TMEM132D: variants seen among roughly 807,000 people sequenced by gnomAD.
TMEM132D encodes transmembrane protein 132D.
TMEM132D carries 21 observed loss-of-function variants against 62.3 expected under a neutral mutation model. The observed-to-expected ratio is 0.34, with a 90% CI of 0.24 to 0.49. The LOEUF (loss-of-function observed/expected upper bound fraction) is 0.49, where lower values mean the gene tolerates loss of function less well. TMEM132D is among the 20% of genes least tolerant of loss of function. The pLI is 0.99. For synonymous variants in TMEM132D, 621 were observed against 575.6 expected (o/e 1.08, Z -1.13); for missense variants, 1,346 against 1,402.8 (o/e 0.96, Z 0.65).
intron 1 of TMEM132D, among the ~76,000 whole-genome samples, chr12:129,741,439 G>T (rs1051499937): frequency 1.3e-5 from 2 of 152,170 alleles, no homozygotes; most frequent in African/African-American, 2.4e-5. Context: ...AAAGAAAAAT[G>T]CATTCCTTAA....
chr12:129,577,812 T>C (rs567642418), intron 2 of TMEM132D, among the ~76,000 whole-genome samples: 18 of 152,318 alleles, frequency 1.2e-4, no homozygotes, highest in Admixed American at 5.9e-4. Flanking sequence ...TGTGTGTGTG[T>C]GTCTGTAGAG....
At chr12:129,523,883 G>A (rs1347777804) in intron 3 of TMEM132D, among the ~76,000 whole-genome samples, 2 of 152,096 alleles carry the variant, frequency 1.3e-5, no homozygotes, top group Non-Finnish European at 2.9e-5. Flanking sequence ...TGTTTCTCAA[G>A]GAGGCAATGT....
chr12:129,450,750 CTTTTTTTTTTT>C (rs869041495), intron 3 of TMEM132D, among the ~76,000 whole-genome samples: 101 of 102,578 alleles, frequency 9.8e-4, no homozygotes, highest in African/African-American at 2.9e-3. Context: ...TCCATCGCTT[CTTTTTTTTTTT>C]TTTTTTTTTT....
At chr12:129,840,680 C>T (rs1371798616) in intron 1 of TMEM132D, among the ~76,000 whole-genome samples, 1 of 152,216 alleles carries the variant, frequency 6.6e-6, no homozygotes, top group Non-Finnish European at 1.5e-5. Context: ...AGTGCGGCCG[C>T]CCGCTTCCCA....
At chr12:129,079,915 C>T (rs1874398267) in intron 7 of TMEM132D, among the ~76,000 whole-genome samples, 1 of 152,180 alleles carries the variant, frequency 6.6e-6, no homozygotes, top group African/African-American at 2.4e-5. Flanking sequence ...GGAAGCTGGC[C>T]CACTTCCTCT....
intron 1 of TMEM132D, among the ~76,000 whole-genome samples, chr12:129,740,853 T>C (rs912493747): frequency 6.6e-6 from 1 of 152,224 alleles, no homozygotes; most frequent in African/African-American, 2.4e-5. Context: ...CAAGAATGTA[T>C]TTATACTTTC....
At chr12:129,504,344 T>G (rs11060380) in intron 3 of TMEM132D, among the ~76,000 whole-genome samples, 87,879 of 152,080 alleles carry the variant, frequency 0.58, 26,727 homozygotes, top group African/African-American at 0.79. Context: ...TTGAATGTCT[T>G]GTAGAATTCA....
intron 4 of TMEM132D, among the ~76,000 whole-genome samples, chr12:129,269,867 G>A (rs553109162): frequency 1.0e-3 from 157 of 152,214 alleles, no homozygotes; most frequent in African/African-American, 3.7e-3. Context: ...GTAAAAACGT[G>A]GGAACAGGGC....
chr12:129,407,693 T>A (rs895486887), intron 3 of TMEM132D, among the ~76,000 whole-genome samples: 4 of 151,618 alleles, frequency 2.6e-5, no homozygotes, highest in Non-Finnish European at 5.9e-5. Context: ...GATCATGAGG[T>A]CAGGAGATCG....
intron 3 of TMEM132D, among the ~76,000 whole-genome samples, chr12:129,457,824 G>A (rs560618279): frequency 1.6e-4 from 25 of 152,228 alleles, no homozygotes; most frequent in East Asian, 1.2e-3. Flanking sequence ...ACAGCAAGGC[G>A]GATGTCTGAT....
intron 2 of TMEM132D, among the ~76,000 whole-genome samples, chr12:129,578,436 AT>A (rs1388191415): frequency 1.3e-5 from 1 of 77,586 alleles, no homozygotes; most frequent in East Asian, 7.9e-4. Flanking sequence ...ATATATATAT[AT>A]GTATGTATAT....
chr12:129,079,900 G>A (rs908919452), intron 7 of TMEM132D, among the ~76,000 whole-genome samples: 1 of 152,206 alleles, frequency 6.6e-6, no homozygotes, highest in Non-Finnish European at 1.5e-5. Context: ...CATGTTTAAT[G>A]TGTGGGAAGC....
intron 2 of TMEM132D, among the ~76,000 whole-genome samples, chr12:129,578,521 A>C (rs1877749289): frequency 6.6e-6 from 1 of 151,842 alleles, no homozygotes; most frequent in Non-Finnish European, 1.5e-5. Context: ...ATGCGCACAC[A>C]CACACATACA....
intron 1 of TMEM132D, among the ~76,000 whole-genome samples, chr12:129,896,152 TTTG>T (rs1412760615): frequency 4.6e-5 from 7 of 151,418 alleles, no homozygotes; most frequent in South Asian, 2.1e-4. Flanking sequence ...TTTGTTTTGT[TTTG>T]TTTTGTTTTT....
At chr12:129,340,899 T>G (rs1178820811) in intron 3 of TMEM132D, among the ~76,000 whole-genome samples, 1 of 152,198 alleles carries the variant, frequency 6.6e-6, no homozygotes, top group Non-Finnish European at 1.5e-5. Flanking sequence ...GGGGAAAACG[T>G]TGTATGCGCG....
chr12:129,806,485 T>C (rs1407668853), intron 1 of TMEM132D, among the ~76,000 whole-genome samples: 1 of 133,916 alleles, frequency 7.5e-6, no homozygotes, highest in Non-Finnish European at 1.6e-5. Flanking sequence ...TAGGTGGGAA[T>C]TGAACAATGA....
At chr12:129,533,281 C>T (rs570311521) in intron 2 of TMEM132D, among the ~76,000 whole-genome samples, 15 of 152,294 alleles carry the variant, frequency 9.8e-5, no homozygotes, top group African/African-American at 3.4e-4. Context: ...GCCATCTGAC[C>T]TTTCTAGATA....
chr12:129,521,698 G>A (rs1169303482), intron 3 of TMEM132D: 1 of 152,168 alleles, frequency 6.6e-6, no homozygotes, highest in African/African-American at 2.4e-5. Flanking sequence ...CCTTATCTAT[G>A]TTTTCTCAAC....
chr12:129,835,430 A>G (rs1052627032), intron 1 of TMEM132D, among the ~76,000 whole-genome samples: 2 of 152,122 alleles, frequency 1.3e-5, no homozygotes, highest in South Asian at 2.1e-4. Context: ...AGCTGGGATT[A>G]CAAACAAGCG....
Sources: allele counts gnomAD v4.1 joint callset (sites outside exome capture counted in the v4.1 genomes callset), GRCh38; gene constraint gnomAD v4.1.1; transcripts MANE v1.5; gene names NCBI Gene and HGNC (gene_info 2026-07-23, HGNC 2026-07-21).